RAD17: variants seen among roughly 807,000 people sequenced by gnomAD.
RAD17 encodes the protein cell cycle checkpoint protein RAD17.
A neutral mutation model predicts 81.5 loss-of-function variants in RAD17; 31 were observed. That is an observed-to-expected ratio of 0.38 (90% CI 0.29 to 0.51). The LOEUF (loss-of-function observed/expected upper bound fraction) is 0.51, where lower values mean the gene tolerates loss of function less well. RAD17 is among the 20% of genes least tolerant of loss of function. The probability of loss-of-function intolerance (pLI) is 0.88; values close to 1 mark genes in which losing one functional copy is unlikely to be tolerated. For missense variants in RAD17, 681 were observed against 781.2 expected (o/e 0.87, Z 1.53); for synonymous variants, 261 against 266.2 (o/e 0.98, Z 0.19).
At chr5:69,378,515 G>A (rs1040805271) in intron 6 of RAD17, among the ~76,000 whole-genome samples, 1 of 152,182 alleles carries the variant, frequency 6.6e-6, no homozygotes, top group African/African-American at 2.4e-5. Flanking sequence ...GAAGTGATCT[G>A]TCTGGTATTG....
At chr5:69,369,611 G>A (rs747310023), upstream of RAD17, 3 of 1,579,218 alleles carry the variant, frequency 1.9e-6, no homozygotes, top group Non-Finnish European at 2.6e-6. Context: ...GCCCACCGCG[G>A]CGCCCCTAGC....
intron 6 of RAD17, among the ~76,000 whole-genome samples, chr5:69,377,705 A>G (rs1260937993): frequency 1.5e-5 from 1 of 68,434 alleles, no homozygotes; most frequent in African/African-American, 4.7e-5. Flanking sequence ...ACATATATAT[A>G]TGTATTGGGA....
At position 69,371,509 on chromosome 5, in the gene RAD17, G is replaced by A; in HGVS notation, c.-224G>A. 1 of 1,388,732 alleles carries A rather than the reference G, an allele frequency of 7.2e-7. No individual in the cohort carries two copies. Among genetic ancestry groups the A allele is most frequent in the South Asian group, 1.6e-5 (1 of 63,656 alleles). 86.0% of individuals were successfully genotyped at this position (1,388,732 alleles called of 1,614,324 possible). A position where few individuals can be genotyped will look rare whatever the true frequency, so the allele number is the denominator to read the frequency against. On this transcript the variant is annotated 5_prime_UTR_variant, in exon 3 of 19. Transcript: ENST00000354868. Reference sequence around the variant, plus strand: ...TAAACTACGGATGGGAACTATTACAGTTTATAATGTCAAAAACTTTTCTTA... The same window carrying A: ...TAAACTACGGATGGGAACTATTACAATTTATAATGTCAAAAACTTTTCTTA...
chr5:69,369,506 G>T, upstream of RAD17: 10 of 1,611,152 alleles, frequency 6.2e-6, no homozygotes, highest in Non-Finnish European at 8.5e-6. Flanking sequence ...CCGCCGCGAC[G>T]GCTTCGGGCG....
chr5:69,400,320 C>A (rs1439659465), intron 17 of RAD17, 151 bp downstream of exon 17: 4 of 430,140 alleles, frequency 9.3e-6, no homozygotes, highest in Non-Finnish European at 1.4e-5. Flanking sequence ...TGGGTTCAAG[C>A]AATTCTGTTC....
intron 6 of RAD17, among the ~76,000 whole-genome samples, chr5:69,378,050 G>A (rs1200496471): frequency 6.6e-6 from 1 of 151,994 alleles, no homozygotes; most frequent in African/African-American, 2.4e-5. Context: ...TCCCACATTG[G>A]CATCCCACAG....
At chr5:69,406,962 TTTTG>T (rs1408787178) in intron 17 of RAD17, among the ~76,000 whole-genome samples, 4 of 151,630 alleles carry the variant, frequency 2.6e-5, no homozygotes, top group Non-Finnish European at 5.9e-5. Flanking sequence ...ATATATACAA[TTTTG>T]TTTGTTAATT....
intron 17 of RAD17, among the ~76,000 whole-genome samples, chr5:69,407,562 GTTTTTTTTTTTTTTTTTTTTTTTTT>G (rs550222595): frequency 2.4e-5 from 1 of 40,890 alleles, no homozygotes; most frequent in African/African-American, 1.1e-4. Context: ...CTATGTCCAA[GTTTTTTTTTTTTTTTTTTTTTTTTT>G]TTTTTTGGAG....
At chr5:69,404,602 T>C (rs1171044385) in intron 17 of RAD17, among the ~76,000 whole-genome samples, 1 of 151,910 alleles carries the variant, frequency 6.6e-6, no homozygotes, top group Non-Finnish European at 1.5e-5. Context: ...ACCCCACCTG[T>C]ACTGAAAATA....
chr5:69,374,149 G>A, intron 5 of RAD17, 62 bp downstream of exon 5: 3 of 1,311,546 alleles, frequency 2.3e-6, no homozygotes, highest in Non-Finnish European at 3.2e-6. Context: ...AGGGTAGATG[G>A]GAAGCAGAGG....
intron 17 of RAD17, among the ~76,000 whole-genome samples, chr5:69,409,572 A>T (rs1765839589): frequency 6.6e-6 from 1 of 152,188 alleles, no homozygotes; most frequent in African/African-American, 2.4e-5. Flanking sequence ...TTGATTTTTA[A>T]AAGTTTTCAC....
At chr5:69,369,504 A>T, upstream of RAD17, 1 of 1,610,854 alleles carries the variant, frequency 6.2e-7, no homozygotes, top group Non-Finnish European at 8.5e-7. Context: ...CCCCGCCGCG[A>T]CGGCTTCGGG....
chr5:69,383,827 C>G (rs552664167), intron 7 of RAD17, among the ~76,000 whole-genome samples: 1 of 152,278 alleles, frequency 6.6e-6, no homozygotes, highest in Admixed American at 6.5e-5. Flanking sequence ...TTACTGCTTT[C>G]TAAATAGTAG....
chr5:69,396,339 A>G (rs773497150), intron 15 of RAD17, 58 bp from the exon 16 acceptor site: 1 of 1,545,492 alleles, frequency 6.5e-7, no homozygotes, highest in Non-Finnish European at 8.8e-7. Flanking sequence ...TATATCAGGA[A>G]TACCAGTAAT....
Position 69,389,012 on chromosome 5 carries a change from A to G in RAD17, c.895-22A>G, listed in dbSNP as rs369847314. The G allele has an allele frequency of 7.3e-5, 93 of 1,268,794 alleles. 2 individuals carry two copies. The highest frequency in any genetic ancestry group is 9.4e-5 in the Non-Finnish European group (89 of 945,284). 78.6% of individuals were successfully genotyped at this position (1,268,794 alleles called of 1,614,324 possible). A position where few individuals can be genotyped will look rare whatever the true frequency, so the allele number is the denominator to read the frequency against. The stretch of plus-strand genomic sequence containing the variant: ...TATTTTTAAGAAAATACTTTTTTTT[A>G]AATTTAATTTTCTTATTTTAGAATG... On this transcript the variant is annotated intron_variant, in intron 11 of 18. Coordinates refer to ENST00000354868, the MANE Select transcript of RAD17 (RefSeq NM_133338.3).
chr5:69,395,246 TC>T (rs199968687), intron 15 of RAD17, among the ~76,000 whole-genome samples: 2,082 of 152,300 alleles, frequency 0.014, 21 homozygotes, highest in Non-Finnish European at 0.019. Flanking sequence ...GAGTGGTGGT[TC>T]CTGCCAGTAA....
At position 69,384,707 on chromosome 5, in the gene RAD17, G is replaced by C. The variant is rs1035130785; in HGVS notation, c.509-90G>C. 1.1e-5 allele frequency: 13 copies of C among 1,164,068 alleles called. No individual in the cohort carries two copies. In the African/African-American group the frequency reaches 1.9e-4, roughly 17 times the overall value. 72.1% of individuals were successfully genotyped at this position (1,164,068 alleles called of 1,614,324 possible). ...GAAATAGTCTACAGTATTGTGAGAT[G>C]CATCAAGTATGTGTGTGTGTACATA... On this transcript the variant is annotated intron_variant, in intron 7 of 18. Coordinates refer to ENST00000354868, the MANE Select transcript of RAD17 (RefSeq NM_133338.3).
intron 17 of RAD17, among the ~76,000 whole-genome samples, chr5:69,407,010 T>G (rs1420431372): frequency 6.8e-6 from 1 of 147,248 alleles, no homozygotes; most frequent in Non-Finnish European, 1.5e-5. Flanking sequence ...TTTTTTTTTT[T>G]TTTTTTTTTT....
chr5:69,377,330 G>GC (rs2150777599), intron 6 of RAD17, among the ~76,000 whole-genome samples: 3 of 149,052 alleles, frequency 2.0e-5, no homozygotes, highest in African/African-American at 7.4e-5. Context: ...TTCTCACTTA[G>GC]CAATACTCTG....
Sources: gnomAD v4.1 joint callset for allele counts (sites outside exome capture counted in the v4.1 genomes callset) on GRCh38, gnomAD v4.1.1 for gene constraint, MANE v1.5 for transcripts, NCBI Gene and HGNC (gene_info 2026-07-23, HGNC 2026-07-21) for gene names.